The following FBXO11 variants were observed in gnomAD, a reference collection of about 807,000 sequenced individuals.
FBXO11 encodes F-box only protein 11.
In FBXO11, 13 loss-of-function variants were observed where a neutral mutation model predicts 117.0. That is an observed-to-expected ratio of 0.11 (90% CI 0.07 to 0.18). The LOEUF is 0.18. Ranked by LOEUF, FBXO11 falls within the 10% of genes least tolerant of loss-of-function variation. FBXO11 has a pLI of 1.00. For synonymous variants in FBXO11, 490 were observed against 380.5 expected (o/e 1.29, Z -3.35); for missense variants, 767 against 1,164.4 (o/e 0.66, Z 4.97).
At chr2:47,846,251 T>C (rs1673399338) in intron 1 of FBXO11, among the ~76,000 whole-genome samples, 1 of 152,144 alleles carries the variant, frequency 6.6e-6, no homozygotes, top group Admixed American at 6.6e-5. Flanking sequence ...GCAGATCATC[T>C]GAGGTTGGGA....
At chr2:47,820,908 G>T (rs777103848) in intron 13 of FBXO11, among the ~76,000 whole-genome samples, 20 of 152,198 alleles carry the variant, frequency 1.3e-4, no homozygotes, top group African/African-American at 2.2e-4. Context: ...GTTACCAGAA[G>T]CGAAAGCCCA....
At chr2:47,851,044 G>A (rs1319687589) in intron 1 of FBXO11, among the ~76,000 whole-genome samples, 1 of 152,092 alleles carries the variant, frequency 6.6e-6, no homozygotes, top group African/African-American at 2.4e-5. Context: ...TTCAATCCAA[G>A]TTCAATTGGA....
rs549294295 is a variant in FBXO11, at chr2:47,859,572, T to A, written c.233-19803A>T. 3.3e-5 allele frequency among the ~76,000 whole-genome samples: 5 copies of A among 152,344 alleles called. No homozygotes were observed. The East Asian group carries it at 9.6e-4, about 29-fold the overall frequency. On this transcript the variant is annotated intron_variant, in intron 1 of 22. Coordinates refer to ENST00000403359, the MANE Select transcript of FBXO11 (RefSeq NM_001190274.2). Reference sequence around the variant, plus strand: ...AAATGGATGAGACCTCAAGAAAGATTCTCTTCCAATCCCTTGTATACAAAC... The same window carrying A: ...AAATGGATGAGACCTCAAGAAAGATACTCTTCCAATCCCTTGTATACAAAC...
At chr2:47,811,534 A>C (rs1373228490) in intron 18 of FBXO11, 1 of 152,246 alleles carries the variant, frequency 6.6e-6, no homozygotes, top group Non-Finnish European at 1.5e-5. Flanking sequence ...CTAATTCTTT[A>C]ATCTATTCCT....
At chr2:47,902,622 G>A (rs1398773018) in intron 1 of FBXO11, among the ~76,000 whole-genome samples, 1 of 151,980 alleles carries the variant, frequency 6.6e-6, no homozygotes, top group African/African-American at 2.4e-5. Flanking sequence ...TTTAAAAGTG[G>A]TGTCAAGGAA....
chr2:47,847,142 G>A (rs1219985450), intron 1 of FBXO11, among the ~76,000 whole-genome samples: 1 of 152,212 alleles, frequency 6.6e-6, no homozygotes, highest in Non-Finnish European at 1.5e-5. Flanking sequence ...CTACTCAGGA[G>A]GCTGAGCCAG....
intron 11 of FBXO11, among the ~76,000 whole-genome samples, chr2:47,826,749 T>G (rs1377455044): frequency 6.6e-6 from 1 of 152,178 alleles, no homozygotes; most frequent in Non-Finnish European, 1.5e-5. Context: ...TGTTGCTAGT[T>G]GTCCAAATCA....
chr2:47,850,341 C>G (rs1053891976), intron 1 of FBXO11, among the ~76,000 whole-genome samples: 3 of 152,126 alleles, frequency 2.0e-5, no homozygotes, highest in African/African-American at 7.2e-5. Flanking sequence ...AAATGCCCAA[C>G]ATAAAACTAA....
intron 1 of FBXO11, among the ~76,000 whole-genome samples, chr2:47,894,270 GCCC>G (rs373035478): frequency 4.7e-4 from 72 of 152,190 alleles, no homozygotes; most frequent in African/African-American, 1.7e-3. Context: ...AGCAAAATAT[GCCC>G]CCATTTTTCT....
intron 7 of FBXO11, among the ~76,000 whole-genome samples, chr2:47,833,540 A>G (rs1042665831): frequency 6.6e-6 from 1 of 152,206 alleles, no homozygotes; most frequent in African/African-American, 2.4e-5. Flanking sequence ...CTGTAAATGC[A>G]AATTTCACTA....
chr2:47,823,072 C>G (rs1671505965), intron 12 of FBXO11, 71 bp downstream of exon 12: 7 of 1,105,596 alleles, frequency 6.3e-6, no homozygotes, highest in Non-Finnish European at 7.7e-6. Flanking sequence ...AGAGTTAAAG[C>G]TCAATATCTT....
At chr2:47,842,349 G>A (rs1358778785) in intron 1 of FBXO11, among the ~76,000 whole-genome samples, 1 of 152,182 alleles carries the variant, frequency 6.6e-6, no homozygotes, top group Non-Finnish European at 1.5e-5. Context: ...AAACATAAAA[G>A]GCTTAGTAGT....
intron 1 of FBXO11, among the ~76,000 whole-genome samples, chr2:47,901,289 G>T (rs1678283487): frequency 6.6e-6 from 1 of 151,040 alleles, no homozygotes; most frequent in Admixed American, 6.6e-5. Context: ...GAAATGAATA[G>T]CAAAATCTAT....
At position 47,832,804 on chromosome 2, in the gene FBXO11, A is replaced by T. The variant is rs766012117; in HGVS notation, c.1118T>A (p.Ile373Asn). 6.2e-7 allele frequency: 1 copy of T among 1,613,842 alleles called. No homozygotes were observed. The highest frequency in any genetic ancestry group is 1.1e-5 in the South Asian group (1 of 91,074). The change falls in exon 9 of 23, where the codon ATT becomes AAT. Residue 373 changes from isoleucine to asparagine, a missense_variant. Physicochemically the swap from Ile to Asn is moderately radical, Grantham distance 149. Around this residue, in one of 10 missense-constraint regions of FBXO11, gnomAD observed 123 missense variants for 145.0 expected, o/e 0.85. Transcript: ENST00000403359. ...ACTTCGGATGATACAGTGATCAATA[A>T]TAGGGCTACAATTTACTGTAATCTC... Reference protein sequence around the residue: ...CLEITVNCSPIIDHCIIRSTC... With the variant: ...CLEITVNCSPNIDHCIIRSTC...
Position 47,902,156 on chromosome 2 carries a change from G to C in FBXO11, c.232+3333C>G, listed in dbSNP as rs571708156. ...TCACTACGTTGGCCAGGCTGGTCTT[G>C]AACTCCTGACCTCGTGGTCCACCTG... On this transcript the variant is annotated intron_variant, in intron 1 of 22. Coordinates refer to ENST00000403359, the MANE Select transcript of FBXO11 (RefSeq NM_001190274.2). Among the ~76,000 whole-genome samples the C allele has an allele frequency of 2.6e-5, 4 of 152,178 alleles. No individual in the cohort carries two copies. The East Asian group carries it at 7.7e-4, about 29-fold the overall frequency.
chr2:47,897,633 G>A (rs964869897), intron 1 of FBXO11, among the ~76,000 whole-genome samples: 1 of 147,132 alleles, frequency 6.8e-6, no homozygotes, highest in African/African-American at 2.5e-5. Context: ...GGAGGCAGAG[G>A]TTGCAGTGAG....
intron 1 of FBXO11, among the ~76,000 whole-genome samples, chr2:47,875,853 T>C (rs533159903): frequency 1.3e-5 from 2 of 152,344 alleles, no homozygotes; most frequent in Non-Finnish European, 1.5e-5. Flanking sequence ...ATTCCTTTAG[T>C]TCTGCTGGTC....
intron 5 of FBXO11, among the ~76,000 whole-genome samples, chr2:47,835,295 A>T (rs905748771): frequency 6.6e-6 from 1 of 152,252 alleles, no homozygotes; most frequent in Non-Finnish European, 1.5e-5. Context: ...AGGGCCGTAT[A>T]ACAATTAAGC....
In FBXO11 at chr2:47,808,065, G is replaced by A. The variant is rs1670348616; in HGVS notation, c.*53C>T. 4 of 1,468,086 alleles carry A rather than the reference G, an allele frequency of 2.7e-6. No homozygotes were observed. Among genetic ancestry groups the A allele is most frequent in the African/African-American group, 1.4e-5 (1 of 71,036 alleles). The allele number at this position is 1,468,086 out of a possible 1,614,324, so 90.9% of individuals were successfully genotyped here. On this transcript the variant is annotated 3_prime_UTR_variant, in exon 23 of 23. Transcript: ENST00000403359. ...ATATTTTAAATCTTCTTCCAAAAAA[G>A]TGTTTTAAGTTATGATGTTACAATG...
Sources: allele counts gnomAD v4.1 joint callset (sites outside exome capture counted in the v4.1 genomes callset), GRCh38; gene constraint gnomAD v4.1.1; regional missense constraint gnomAD v4.1.1; transcripts MANE v1.5; gene names NCBI Gene and HGNC (gene_info 2026-07-23, HGNC 2026-07-21).